The following CDKAL1 variants were observed in gnomAD, a reference collection of about 807,000 sequenced individuals.
CDKAL1 encodes the protein threonylcarbamoyladenosine tRNA methylthiotransferase.
In CDKAL1, 32 loss-of-function variants were observed where a neutral mutation model predicts 68.2. That is an observed-to-expected ratio of 0.47 (90% CI 0.35 to 0.63). The LOEUF is 0.63. Among genes scored for constraint, CDKAL1 ranks in the 30% least tolerant of loss-of-function variants. The pLI is 0.00. For synonymous variants in CDKAL1, 234 were observed against 244.3 expected, an observed-to-expected ratio of 0.96 and a Z score of 0.39; for missense variants, 606 against 696.7, an observed-to-expected ratio of 0.87 and a Z score of 1.47.
chr6:21,231,992 GTTTT>G lies in CDKAL1; in HGVS notation c.*960_*963del, dbSNP rs1197267018. 2 of 73,644 alleles carry G rather than the reference GTTTT, an allele frequency of 2.7e-5. No individual in the cohort carries two copies. The highest frequency in any genetic ancestry group is 1.4e-4 in the Admixed American group (1 of 7,020). The allele number at this position is 73,644 out of a possible 1,614,324, so 4.6% of individuals were successfully genotyped here. On this transcript the variant is annotated 3_prime_UTR_variant, in exon 16 of 16. Transcript: ENST00000274695. ...TTTCTCACATTTTTGATCCATTGGGGTTTTTTTTTTGTTTTTGTTTTTTTTTTTT... is the reference window on the plus strand; with the variant it reads ...TTTCTCACATTTTTGATCCATTGGGGTTTTTTGTTTTTGTTTTTTTTTTTT...
At chr6:20,650,401 GTTGT>G (rs1481609911) in intron 5 of CDKAL1, among the ~76,000 whole-genome samples, 3 of 151,840 alleles carry the variant, frequency 2.0e-5, no homozygotes, top group Non-Finnish European at 2.9e-5. Flanking sequence ...TTTTAATGGG[GTTGT>G]TTGTTTTTTT....
chr6:20,602,263 C>G (rs578258847), intron 4 of CDKAL1, among the ~76,000 whole-genome samples: 21 of 152,276 alleles, frequency 1.4e-4, no homozygotes, highest in Middle Eastern at 3.4e-3. Flanking sequence ...ATTTATCAGT[C>G]AGCATATAAG....
intron 15 of CDKAL1, among the ~76,000 whole-genome samples, chr6:21,208,406 A>G (rs1490655274): frequency 1.3e-5 from 2 of 152,194 alleles, no homozygotes; most frequent in African/African-American, 4.8e-5. Flanking sequence ...GAAAGGGTCT[A>G]TTAGTTCAAG....
At chr6:20,767,125 G>A (rs759963706) in intron 7 of CDKAL1, among the ~76,000 whole-genome samples, 5 of 151,892 alleles carry the variant, frequency 3.3e-5, no homozygotes, top group African/African-American at 1.2e-4. Flanking sequence ...GCTTTATTAC[G>A]TGACTGGAGA....
intron 11 of CDKAL1, among the ~76,000 whole-genome samples, chr6:21,045,344 G>T (rs1015686897): frequency 6.6e-6 from 1 of 152,148 alleles, no homozygotes; most frequent in Non-Finnish European, 1.5e-5. Flanking sequence ...TGCCAAAAAT[G>T]ATGTAATCAG....
At chr6:20,631,106 A>T (rs983948820) in intron 4 of CDKAL1, among the ~76,000 whole-genome samples, 1 of 152,190 alleles carries the variant, frequency 6.6e-6, no homozygotes, top group Non-Finnish European at 1.5e-5. Context: ...TTTTAAGTCC[A>T]TTGTGTTGTC....
At chr6:20,785,710 A>G (rs899266461) in intron 8 of CDKAL1, among the ~76,000 whole-genome samples, 1 of 152,174 alleles carries the variant, frequency 6.6e-6, no homozygotes, top group Non-Finnish European at 1.5e-5. Flanking sequence ...TCAGTAGAAA[A>G]TGAGCCTTCT....
chr6:21,080,140 T>C (rs1447433566), intron 12 of CDKAL1, among the ~76,000 whole-genome samples: 2 of 151,634 alleles, frequency 1.3e-5, no homozygotes, highest in Admixed American at 6.6e-5. Flanking sequence ...ACTGTCACAC[T>C]AACAAAAGTA....
chr6:20,640,511 C>T (rs1768123032), intron 4 of CDKAL1, among the ~76,000 whole-genome samples: 1 of 152,172 alleles, frequency 6.6e-6, no homozygotes. Context: ...TTATTAATCT[C>T]CCTTTGCTTC....
chr6:20,736,000 A>T (rs2150319479), intron 5 of CDKAL1, among the ~76,000 whole-genome samples: 1 of 152,330 alleles, frequency 6.6e-6, no homozygotes. Flanking sequence ...ACTTATTCTC[A>T]GCCAGCCAAC....
intron 12 of CDKAL1, among the ~76,000 whole-genome samples, chr6:21,068,446 C>T (rs1038877989): frequency 6.6e-6 from 1 of 151,802 alleles, no homozygotes; most frequent in Non-Finnish European, 1.5e-5. Flanking sequence ...GTTTTTTTGC[C>T]TCGGAAGCTA....
chr6:20,552,778 C>T (rs1268865472), intron 4 of CDKAL1, among the ~76,000 whole-genome samples: 1 of 151,994 alleles, frequency 6.6e-6, no homozygotes, highest in Non-Finnish European at 1.5e-5. Context: ...ATACTTTCTT[C>T]ACTAGTCTAG....
At chr6:20,721,685 G>T (rs1470052445) in intron 5 of CDKAL1, among the ~76,000 whole-genome samples, 4 of 148,472 alleles carry the variant, frequency 2.7e-5, no homozygotes, top group Non-Finnish European at 5.9e-5. Context: ...CACCAACAGT[G>T]CGTAAGCATT....
chr6:20,927,532 C>T (rs1304045250), intron 9 of CDKAL1, among the ~76,000 whole-genome samples: 1 of 152,110 alleles, frequency 6.6e-6, no homozygotes, highest in Admixed American at 6.6e-5. Flanking sequence ...ACTTTTTAAT[C>T]GATTTTTAAC....
intron 13 of CDKAL1, among the ~76,000 whole-genome samples, chr6:21,191,994 T>TA (rs1270069768): frequency 8.8e-5 from 3 of 34,252 alleles, no homozygotes; most frequent in African/African-American, 1.4e-4. Context: ...TCATTTTTCT[T>TA]TTTTTTTTTT....
At chr6:20,884,182 A>G (rs1277205976) in intron 9 of CDKAL1, among the ~76,000 whole-genome samples, 1 of 152,222 alleles carries the variant, frequency 6.6e-6, no homozygotes, top group Admixed American at 6.5e-5. Flanking sequence ...AATCAATATA[A>G]TATAGCACAT....
chr6:21,049,499 C>T (rs1353615355), intron 11 of CDKAL1, among the ~76,000 whole-genome samples: 1 of 152,024 alleles, frequency 6.6e-6, no homozygotes, highest in Non-Finnish European at 1.5e-5. Flanking sequence ...TGTAAAAATT[C>T]TGTGAAATTT....
intron 11 of CDKAL1, among the ~76,000 whole-genome samples, chr6:21,019,552 G>A (rs1395506491): frequency 2.0e-5 from 3 of 152,188 alleles, no homozygotes; most frequent in East Asian, 1.9e-4. Context: ...AAATATTAGT[G>A]GTGTCGTCTG....
intron 11 of CDKAL1, among the ~76,000 whole-genome samples, chr6:21,038,607 C>T (rs1769727247): frequency 6.6e-6 from 1 of 152,194 alleles, no homozygotes. Context: ...TTGTCCAGCC[C>T]ACAGCCCAGG....
Sources: gnomAD v4.1 joint callset for allele counts (sites outside exome capture counted in the v4.1 genomes callset) on GRCh38, gnomAD v4.1.1 for gene constraint, MANE v1.5 for transcripts, NCBI Gene and HGNC (gene_info 2026-07-23, HGNC 2026-07-21) for gene names.